The following XYLB variants were observed in gnomAD, a reference collection of about 807,000 sequenced individuals.
The protein encoded by XYLB is xylulose kinase.
Under a neutral mutation model 78.7 loss-of-function variants are expected in XYLB, and 62 were observed. The ratio of observed to expected loss-of-function variants is 0.79; its 90% confidence interval spans 0.64 to 0.97. The LOEUF (loss-of-function observed/expected upper bound fraction) is 0.97, where lower values mean the gene tolerates loss of function less well. Ranked by LOEUF, XYLB falls within the 50% of genes least tolerant of loss-of-function variation. XYLB has a pLI of 0.00. For missense variants in XYLB, 687 were observed against 676.8 expected (o/e 1.02, Z -0.17); for synonymous variants, 245 against 247.4 (o/e 0.99, Z 0.09).
rs186700592 is a variant in XYLB at position 38,409,543 on chromosome 3, T to C, written c.1534-3393T>C. ...TGTTGGAAGTTCTGGCCAGGGCAAT[T>C]AGGCAGGAGAAGGAAATAAAGGGTA... On this transcript the variant is annotated intron_variant, in intron 18 of 18. Transcript: ENST00000207870. Among the ~76,000 whole-genome samples, 21 of 152,254 alleles carry C rather than the reference T, an allele frequency of 1.4e-4. No individual in the cohort carries two copies. In the East Asian group the frequency reaches 3.9e-3, roughly 28 times the overall value.
chr3:38,382,835 C>A (rs953572687), intron 15 of XYLB, among the ~76,000 whole-genome samples: 1 of 152,220 alleles, frequency 6.6e-6, no homozygotes, highest in Non-Finnish European at 1.5e-5. Context: ...TTGTGCAAAA[C>A]AGCATAGAGT....
chr3:38,351,830 T>C (rs532165073), intron 2 of XYLB, among the ~76,000 whole-genome samples: 2 of 152,398 alleles, frequency 1.3e-5, no homozygotes, highest in South Asian at 4.1e-4. Context: ...TTCATCCATG[T>C]TGCTACATGT....
chr3:38,413,211 C>T lies in XYLB; in HGVS notation c.*198C>T, dbSNP rs891152706. 6 of 477,398 alleles carry T rather than the reference C, an allele frequency of 1.3e-5. No homozygotes were observed. The highest frequency in any genetic ancestry group is 4.1e-5 in the African/African-American group (2 of 49,086). The allele number at this position is 477,398 out of a possible 1,614,324, so 29.6% of individuals were successfully genotyped here. On this transcript the variant is annotated 3_prime_UTR_variant, in exon 19 of 19. Coordinates refer to ENST00000207870, the MANE Select transcript of XYLB (RefSeq NM_005108.4). ...AGATAGGCACTCCTGTCCCTGTGCC[C>T]GTGTGCCCCAGGGCAGGAAAGCATC... is the stretch of plus-strand genomic sequence containing the variant.
chr3:38,355,977 G>A, intron 2 of XYLB: 1 of 577,164 alleles, frequency 1.7e-6, no homozygotes, highest in Non-Finnish European at 3.1e-6. Flanking sequence ...GGGGCCAGGT[G>A]TGGTCGCTCA....
chr3:38,416,660 C>T (rs1708804872), downstream of XYLB, among the ~76,000 whole-genome samples: 1 of 151,800 alleles, frequency 6.6e-6, no homozygotes, highest in South Asian at 2.1e-4. Context: ...AGTAGGACCA[C>T]AAAAGGCAAA....
At chr3:38,405,556 G>A (rs1034583437) in intron 18 of XYLB, among the ~76,000 whole-genome samples, 6 of 152,304 alleles carry the variant, frequency 3.9e-5, no homozygotes, top group Admixed American at 2.0e-4. Context: ...GCAGTGCACC[G>A]TGCGCAAGCC....
intron 8 of XYLB, among the ~76,000 whole-genome samples, chr3:38,368,897 T>G (rs1211107584): frequency 1.3e-5 from 2 of 152,180 alleles, no homozygotes; most frequent in African/African-American, 4.8e-5. Flanking sequence ...TATTAAAGTT[T>G]TTGTTTCACA....
At position 38,360,346 on chromosome 3, in the gene XYLB, G is replaced by C. The variant is rs777847230; in HGVS notation, c.148G>C (p.Gly50Arg). 1.2e-6 allele frequency: 2 copies of C among 1,614,022 alleles called. No individual in the cohort carries two copies. The highest frequency in any genetic ancestry group is 1.1e-5 in the South Asian group (1 of 91,074). ...TCTCTGTTGTTCTTGCAGGACTCAG[G>C]GTGGTGTTCATGTGCACAAGGATGG... The part of the protein sequence containing the change: ...DRDLPEFGTQ[G>R]GVHVHKDGLT... Residue 50 changes from glycine (G) to arginine (R), a missense_variant, in exon 3 of 19, where the codon GGT (glycine) becomes CGT (arginine). Transcript: ENST00000207870.
intron 17 of XYLB, among the ~76,000 whole-genome samples, chr3:38,398,194 G>T (rs1707966910): frequency 6.6e-6 from 1 of 151,886 alleles, no homozygotes; most frequent in Non-Finnish European, 1.5e-5. Context: ...CCTTGGCCGG[G>T]TGTGGTGGCT....
chr3:38,360,477 A>G, intron 3 of XYLB, 69 bp downstream of exon 3: 1 of 1,428,300 alleles, frequency 7.0e-7, no homozygotes, highest in Non-Finnish European at 9.5e-7. Flanking sequence ...GTGATTTGCT[A>G]GGAAGTCCAA....
intron 18 of XYLB, among the ~76,000 whole-genome samples, chr3:38,403,069 GGCAGATT>G (rs1240837165): frequency 6.6e-6 from 1 of 152,090 alleles, no homozygotes; most frequent in African/African-American, 2.4e-5. Context: ...AGCCAAGGTG[GGCAGATT>G]GCTTGAGCCC....
intron 3 of XYLB, 112 bp from the exon 4 acceptor site, chr3:38,362,825 T>C (rs1706046099): frequency 2.5e-6 from 2 of 798,674 alleles, no homozygotes; most frequent in Non-Finnish European, 3.6e-6. Flanking sequence ...TTCTTCATCA[T>C]CTGCCCAGAG....
chr3:38,443,699 TG>T, the XYLB span, among the ~76,000 whole-genome samples: 1 of 152,176 alleles, frequency 6.6e-6, no homozygotes, highest in Admixed American at 6.5e-5. Context: ...CTGATATCTG[TG>T]ACTGATTGGG....
chr3:38,428,037 A>G, the XYLB span, among the ~76,000 whole-genome samples: 1 of 152,150 alleles, frequency 6.6e-6, no homozygotes, highest in East Asian at 1.9e-4. Context: ...TTCTGTTTCC[A>G]TTGTCATTCT....
downstream of XYLB, among the ~76,000 whole-genome samples, chr3:38,416,953 T>TAA (rs1324891199): frequency 6.6e-6 from 1 of 152,156 alleles, no homozygotes; most frequent in African/African-American, 2.4e-5. Flanking sequence ...AACATTTGCA[T>TAA]AACAAATTAT....
chr3:38,360,228 G>A (rs1251662708), intron 2 of XYLB, 111 bp from the exon 3 acceptor site: 7 of 1,032,614 alleles, frequency 6.8e-6, no homozygotes, highest in South Asian at 6.5e-5. Context: ...GTTGGGGAAG[G>A]TTCTCCTTCA....
chr3:38,406,121 C>G (rs1032153799), intron 18 of XYLB, among the ~76,000 whole-genome samples: 3 of 152,234 alleles, frequency 2.0e-5, no homozygotes, highest in African/African-American at 7.2e-5. Context: ...GAGCAGCCTA[C>G]CTGGGAGGCA....
the XYLB span, among the ~76,000 whole-genome samples, chr3:38,429,156 T>G: frequency 6.6e-6 from 1 of 152,158 alleles, no homozygotes; most frequent in Non-Finnish European, 1.5e-5. Context: ...GAAGAGTCAT[T>G]CTAGTTCTGT....
intron 15 of XYLB, among the ~76,000 whole-genome samples, chr3:38,392,199 C>T (rs1312354657): frequency 1.3e-5 from 2 of 152,228 alleles, no homozygotes; most frequent in African/African-American, 2.4e-5. Context: ...TCCCCACCAA[C>T]ACTTAACAGC....
Sources: allele counts gnomAD v4.1 joint callset (sites outside exome capture counted in the v4.1 genomes callset), GRCh38; gene constraint gnomAD v4.1.1; transcripts MANE v1.5; gene names NCBI Gene and HGNC (gene_info 2026-07-23, HGNC 2026-07-21).